Variants in VPS13B observed in about 807,000 individuals in gnomAD.
VPS13B encodes the protein vacuolar protein sorting 13 homolog B.
In VPS13B, 285 loss-of-function variants were observed where a neutral mutation model predicts 426.4. That is an observed-to-expected ratio of 0.67 (90% CI 0.61 to 0.74). The LOEUF is 0.74. Among genes scored for constraint, VPS13B ranks in the 30% least tolerant of loss-of-function variants. The pLI, the probability that VPS13B is intolerant of heterozygous loss-of-function variation, is 0.00. For synonymous variants in VPS13B, 1,676 were observed against 1,676.4 expected (o/e 1.00, Z 0.01); for missense variants, 4,537 against 4,782.6 (o/e 0.95, Z 1.51).
intron 51 of VPS13B, among the ~76,000 whole-genome samples, chr8:99,830,172 G>A (rs926013811): frequency 2.6e-5 from 4 of 152,236 alleles, no homozygotes; most frequent in Non-Finnish European, 5.9e-5. Context: ...AGTCAGGAAC[G>A]TTTAAGTCTG....
At chr8:99,469,576 G>A (rs1819292678) in intron 24 of VPS13B, among the ~76,000 whole-genome samples, 1 of 152,136 alleles carries the variant, frequency 6.6e-6, no homozygotes, top group South Asian at 2.1e-4. Context: ...TGATATAGAA[G>A]AAAATAATTA....
At position 99,022,832 on chromosome 8, in the gene VPS13B, A is replaced by C. The variant is rs1010525258; in HGVS notation, c.147+8897A>C. Among the ~76,000 whole-genome samples, 8 of 152,058 alleles carry C rather than the reference A, an allele frequency of 5.3e-5. No homozygotes were observed. In the East Asian group the frequency reaches 1.5e-3, roughly 29 times the overall value. On this transcript the variant is annotated intron_variant, in intron 2 of 61. Transcript: ENST00000357162. Reference sequence around the variant, plus strand: ...TTTAGTATCATGAATCTCATTGTTTAATATACTTGAAAAAAATCATTCTGA... The same window carrying C: ...TTTAGTATCATGAATCTCATTGTTTCATATACTTGAAAAAAATCATTCTGA...
chr8:99,213,207 C>T (rs1393643889), intron 17 of VPS13B, among the ~76,000 whole-genome samples: 1 of 152,070 alleles, frequency 6.6e-6, no homozygotes, highest in East Asian at 1.9e-4. Flanking sequence ...GATTTTCTGA[C>T]AAAATCTAAT....
intron 44 of VPS13B, among the ~76,000 whole-genome samples, chr8:99,814,575 A>G (rs1813909457): frequency 6.6e-6 from 1 of 152,096 alleles, no homozygotes; most frequent in Non-Finnish European, 1.5e-5. Flanking sequence ...AGAGCCTTTT[A>G]CCAGTCTTAC....
intron 3 of VPS13B, 109 bp downstream of exon 3, chr8:99,038,675 TATAC>T: frequency 1.4e-6 from 1 of 717,650 alleles, no homozygotes; most frequent in Non-Finnish European, 2.1e-6. Context: ...TCTTAGCTTA[TATAC>T]TTTTTTTTTT....
intron 54 of VPS13B, 102 bp downstream of exon 54, chr8:99,835,840 A>G (rs1160101840): frequency 1.7e-6 from 2 of 1,187,108 alleles, no homozygotes; most frequent in Non-Finnish European, 2.4e-6. Context: ...AATGCTGAAC[A>G]TCTTTTCTCT....
chr8:99,062,904 T>C (rs1197595833), intron 3 of VPS13B, among the ~76,000 whole-genome samples: 2 of 152,226 alleles, frequency 1.3e-5, no homozygotes, highest in African/African-American at 4.8e-5. Context: ...ATAGAATAGA[T>C]GTTAGAGGAT....
rs552665207 is a variant in VPS13B, at chr8:99,798,019, G to A, written c.7942-11356G>A. 1.1e-3 allele frequency among the ~76,000 whole-genome samples: 170 copies of A among 152,164 alleles called. 2 individuals carry two copies. The Middle Eastern group carries it at 0.014, about 12-fold the overall frequency. On this transcript the variant is annotated intron_variant, in intron 43 of 61. Coordinates refer to ENST00000357162, the MANE Select transcript of VPS13B (RefSeq NM_152564.5). ...GGAAGGATTTTATGCCTTTGCTCCC[G>A]AGTGGCAGTAACAAGCTTCTTTTTA...
At chr8:99,704,779 A>C (rs1255217502) in intron 36 of VPS13B, among the ~76,000 whole-genome samples, 1 of 152,144 alleles carries the variant, frequency 6.6e-6, no homozygotes, top group African/African-American at 2.4e-5. Flanking sequence ...CTTAAACCCA[A>C]CACTTAAGGA....
intron 39 of VPS13B, among the ~76,000 whole-genome samples, chr8:99,738,725 A>C (rs1354772513): frequency 6.6e-6 from 1 of 152,254 alleles, no homozygotes; most frequent in Non-Finnish European, 1.5e-5. Flanking sequence ...AGTATAAAAT[A>C]TACCTTCATA....
rs182243185 is a variant in VPS13B at position 99,813,927 on chromosome 8, G to T, written c.8098-3613G>T. Reference sequence around the variant, plus strand: ...GGCAGGAGAATCACTTGAGCCCAGGGGTTTGAGACCAGCGTGGTCAACATA... The same window carrying T: ...GGCAGGAGAATCACTTGAGCCCAGGTGTTTGAGACCAGCGTGGTCAACATA... On this transcript the variant is annotated intron_variant, in intron 44 of 61. Transcript: ENST00000357162. Among the ~76,000 whole-genome samples the T allele has an allele frequency of 9.9e-5, 15 of 152,166 alleles. No homozygotes were observed. The East Asian group carries it at 2.9e-3, about 29-fold the overall frequency.
chr8:99,699,474 G>C (rs771342240), intron 35 of VPS13B, 51 bp from the exon 36 acceptor site: 1 of 1,591,380 alleles, frequency 6.3e-7, no homozygotes. Context: ...GTAAAGGCTT[G>C]TATTCAGTAA....
At chr8:99,355,604 C>A (rs940094734) in intron 19 of VPS13B, among the ~76,000 whole-genome samples, 12 of 151,930 alleles carry the variant, frequency 7.9e-5, no homozygotes, top group Admixed American at 2.6e-4. Flanking sequence ...AGAAACAAAC[C>A]AACCAACAAA....
intron 21 of VPS13B, among the ~76,000 whole-genome samples, chr8:99,419,654 T>A (rs1816265652): frequency 6.6e-6 from 1 of 152,148 alleles, no homozygotes; most frequent in Non-Finnish European, 1.5e-5. Context: ...AAAATAAAAA[T>A]TGACAATGAT....
intron 39 of VPS13B, among the ~76,000 whole-genome samples, chr8:99,758,317 CAA>C (rs1810745043): frequency 6.6e-6 from 1 of 152,164 alleles, no homozygotes; most frequent in East Asian, 1.9e-4. Flanking sequence ...AACTGAAAGA[CAA>C]GAGAGGATTA....
rs752770169 is a variant in VPS13B at position 99,042,582 on chromosome 8, TTC to T, written c.291+4018_291+4019del. Reference sequence around the variant, plus strand: ...TAGTATTTTAAATTCAGAGATAGTTTTCTGTTTCCCATAAGCACGGATTCCTT... The same window carrying T: ...TAGTATTTTAAATTCAGAGATAGTTTTGTTTCCCATAAGCACGGATTCCTT... On this transcript the variant is annotated intron_variant, in intron 3 of 61. Transcript: ENST00000357162. Among the ~76,000 whole-genome samples, 246 of 152,294 alleles carry T rather than the reference TTC, an allele frequency of 1.6e-3. 2 individuals are homozygous for T. The highest frequency in any genetic ancestry group is 1.9e-3 in the Non-Finnish European group (129 of 68,024).
chr8:99,447,899 G>T, intron 23 of VPS13B, among the ~76,000 whole-genome samples: 1 of 151,356 alleles, frequency 6.6e-6, no homozygotes. Context: ...TTTTATAAAA[G>T]GACCGATATA....
At chr8:99,638,248 A>AC (rs1829149238) in intron 33 of VPS13B, among the ~76,000 whole-genome samples, 2 of 152,188 alleles carry the variant, frequency 1.3e-5, no homozygotes, top group African/African-American at 4.8e-5. Context: ...GTTTCCTCTT[A>AC]CCCAAAGCCT....
chr8:99,710,322 G>C (rs1050968613), intron 36 of VPS13B, among the ~76,000 whole-genome samples: 2 of 151,936 alleles, frequency 1.3e-5, no homozygotes, highest in African/African-American at 4.8e-5. Context: ...TTGTCCAATG[G>C]TGCATTTGTC....
Sources: gnomAD v4.1 joint callset for allele counts (sites outside exome capture counted in the v4.1 genomes callset) on GRCh38, gnomAD v4.1.1 for gene constraint, MANE v1.5 for transcripts, NCBI Gene and HGNC (gene_info 2026-07-23, HGNC 2026-07-21) for gene names.